The following MTREX variants were observed in gnomAD, a reference collection of about 807,000 sequenced individuals.
MTREX encodes Mtr4 exosome RNA helicase.
A neutral mutation model predicts 135.4 loss-of-function variants in MTREX; 76 were observed. The ratio of observed to expected loss-of-function variants is 0.56; its 90% CI spans 0.47 to 0.68. The LOEUF is 0.68. MTREX is among the 30% of genes least tolerant of loss of function. MTREX has a pLI of 0.00. For missense variants in MTREX, 920 were observed against 1,262.1 expected (o/e 0.73, Z 4.11); for synonymous variants, 404 against 401.6 (o/e 1.01, Z -0.07).
intron 1 of MTREX, among the ~76,000 whole-genome samples, chr5:55,310,269 T>C (rs1321196896): frequency 1.3e-5 from 2 of 151,976 alleles, no homozygotes; most frequent in African/African-American, 4.8e-5. Context: ...GCTTAAAGGG[T>C]TTTGTTTACT....
At chr5:55,382,719 G>A (rs1056137460) in intron 18 of MTREX, among the ~76,000 whole-genome samples, 4 of 151,836 alleles carry the variant, frequency 2.6e-5, no homozygotes, top group African/African-American at 4.8e-5. Flanking sequence ...GGCAACCTCC[G>A]CCTCCCAGGT....
chr5:55,331,920 G>A (rs1002810191), intron 5 of MTREX, among the ~76,000 whole-genome samples: 12 of 152,132 alleles, frequency 7.9e-5, no homozygotes, highest in African/African-American at 2.9e-4. Context: ...TTTCAGGTGG[G>A]TGGGTAAAGC....
intron 16 of MTREX, among the ~76,000 whole-genome samples, chr5:55,373,287 T>A (rs1022925102): frequency 3.9e-4 from 58 of 147,410 alleles, no homozygotes; most frequent in Middle Eastern, 3.5e-3. Flanking sequence ...ATAAATGGGC[T>A]TTCTTGGGTT....
intron 20 of MTREX, 44 bp from the exon 21 acceptor site, chr5:55,400,189 A>G: frequency 6.9e-7 from 1 of 1,451,804 alleles, no homozygotes; most frequent in Non-Finnish European, 9.3e-7. Flanking sequence ...GGTCTTACTA[A>G]TTTTGACTAT....
Position 55,387,989 on chromosome 5 carries a change from C to T in MTREX, c.2068C>T (p.Leu690=). 6.3e-7 allele frequency: 1 copy of T among 1,596,962 alleles called. No homozygotes were observed. Among genetic ancestry groups the T allele is most frequent in the Non-Finnish European group, 8.6e-7 (1 of 1,168,410 alleles). ...KSNVKPNSGE[L]DPLYVVEVLL... ...TGTTTTTTAGCCTAACTCTGGTGAA[C>T]TGGATCCTTTGTATGTAGTAGAAGT... is the stretch of plus-strand genomic sequence containing the variant. The change falls in exon 19 of 27, where the codon CTG becomes TTG. Residue 690 remains leucine, a synonymous_variant. Transcript: ENST00000230640.
chr5:55,392,122 GT>G (rs1383898858), intron 19 of MTREX, among the ~76,000 whole-genome samples: 1 of 152,146 alleles, frequency 6.6e-6, no homozygotes, highest in Non-Finnish European at 1.5e-5. Flanking sequence ...ACTGGTTTGT[GT>G]TGTCATTTCT....
Position 55,414,168 on chromosome 5 carries a change from C to G in MTREX, c.2752-14C>G. The stretch of plus-strand genomic sequence containing the variant: ...ACGTGGGTTTTTATATCTTGTTTTC[C>G]TTTTCTTTTATAGTCTAGTGAGATG... On this transcript the variant is annotated splice_polypyrimidine_tract_variant and intron_variant, in intron 23 of 26. Coordinates refer to ENST00000230640, the MANE Select transcript of MTREX (RefSeq NM_015360.5). 6.5e-7 allele frequency: 1 copy of G among 1,531,484 alleles called. No homozygotes were observed. The highest frequency in any genetic ancestry group is 8.7e-7 in the Non-Finnish European group (1 of 1,148,324). The allele number at this position is 1,531,484 out of a possible 1,614,324, so 94.9% of individuals were successfully genotyped here.
chr5:55,400,374 G>A lies in MTREX; in HGVS notation c.2434G>A (p.Asp812Asn), dbSNP rs1394540562. 1 of 1,610,666 alleles carries A rather than the reference G, an allele frequency of 6.2e-7. No individual in the cohort carries two copies. The highest frequency in any genetic ancestry group is 8.5e-7 in the Non-Finnish European group (1 of 1,178,692). Residue 812 changes from aspartate to asparagine, a missense_variant, in exon 21 of 27, where the codon GAT (aspartate) becomes AAT (asparagine). This residue lies in a region of MTREX where 467 missense variants were observed against 589.7 expected (regional missense o/e 0.79). Transcript: ENST00000230640. ...AATGTATTCTCATCCACTTCACAAT[G>A]ATCCAAATTTGGAAACTGTGTATAC... The part of the protein sequence containing the change: ...HRMYSHPLHN[D>N]PNLETVYTLC...
chr5:55,417,134 T>C (rs988342967), intron 25 of MTREX, among the ~76,000 whole-genome samples: 16 of 152,214 alleles, frequency 1.1e-4, no homozygotes, highest in African/African-American at 1.4e-4. Flanking sequence ...GTATCTTACA[T>C]ATTTTTTCTA....
Position 55,347,132 on chromosome 5 carries a change from G to A in MTREX, c.1228G>A (p.Asp410Asn). 1 of 1,601,934 alleles carries A rather than the reference G, an allele frequency of 6.2e-7. No individual in the cohort carries two copies. Among genetic ancestry groups the A allele is most frequent in the South Asian group, 1.1e-5 (1 of 88,224 alleles). The stretch of plus-strand genomic sequence containing the variant: ...CTATGCACTTCAAATGACCAAATTA[G>A]ATTTCAACACAGGTACTACATCATT... ...EAYALQMTKL[D>N]FNTDEEKKMV... The change falls in exon 11 of 27, where the codon GAT becomes AAT. Residue 410 changes from aspartate (D) to asparagine (N), a missense_variant. By Grantham distance (23) the Asp-to-Asn change is conservative (BLOSUM62 1). Coordinates refer to ENST00000230640, the MANE Select transcript of MTREX (RefSeq NM_015360.5).
At chr5:55,350,221 G>A (rs1189455896) in intron 12 of MTREX, among the ~76,000 whole-genome samples, 1 of 152,116 alleles carries the variant, frequency 6.6e-6, no homozygotes, top group Non-Finnish European at 1.5e-5. Context: ...GCTTTAGACT[G>A]GTATGAAAGT....
intron 1 of MTREX, among the ~76,000 whole-genome samples, chr5:55,313,992 T>C (rs1183391955): frequency 6.6e-6 from 1 of 152,200 alleles, no homozygotes; most frequent in African/African-American, 2.4e-5. Flanking sequence ...AGCTGTTTTT[T>C]TTTTTTAACA....
At chr5:55,404,665 A>G (rs1750773495) in intron 21 of MTREX, among the ~76,000 whole-genome samples, 1 of 152,120 alleles carries the variant, frequency 6.6e-6, no homozygotes, top group Admixed American at 6.5e-5. Flanking sequence ...GGGAGAGCCT[A>G]TCCTAAATTC....
intron 5 of MTREX, among the ~76,000 whole-genome samples, chr5:55,336,640 A>AT (rs1561190031): frequency 1.3e-5 from 2 of 152,048 alleles, no homozygotes; most frequent in African/African-American, 4.8e-5. Flanking sequence ...GTTGTCACTC[A>AT]TTTTCCAGGG....
chr5:55,367,693 G>A (rs1194143158), intron 16 of MTREX, among the ~76,000 whole-genome samples: 4 of 152,160 alleles, frequency 2.6e-5, no homozygotes, highest in African/African-American at 9.7e-5. Context: ...TGGTAATTAT[G>A]TTCAAGTGGA....
At chr5:55,328,950 C>T (rs1749424725) in intron 5 of MTREX, 139 bp downstream of exon 5, 1 of 518,780 alleles carries the variant, frequency 1.9e-6, no homozygotes, top group African/African-American at 2.0e-5. Flanking sequence ...CTTATTGAAC[C>T]TCTAATACAA....
intron 16 of MTREX, among the ~76,000 whole-genome samples, chr5:55,368,230 C>T (rs568023439): frequency 2.6e-5 from 4 of 152,224 alleles, no homozygotes; most frequent in Non-Finnish European, 4.4e-5. Flanking sequence ...GGGGCAGATA[C>T]TTGAGGTCAG....
chr5:55,395,440 G>C (rs1159714515), intron 19 of MTREX, among the ~76,000 whole-genome samples: 4 of 151,922 alleles, frequency 2.6e-5, no homozygotes, highest in African/African-American at 9.7e-5. Context: ...ATAAAAGTTA[G>C]AAAAGTCACC....
chr5:55,369,980 A>G (rs2112089816), intron 16 of MTREX, among the ~76,000 whole-genome samples: 1 of 151,150 alleles, frequency 6.6e-6, no homozygotes, highest in East Asian at 1.9e-4. Flanking sequence ...AATGGCAACA[A>G]TGGCACGATC....
Sources: gnomAD v4.1 joint callset for allele counts (sites outside exome capture counted in the v4.1 genomes callset) on GRCh38, gnomAD v4.1.1 for gene constraint, gnomAD v4.1.1 regional missense constraint, MANE v1.5 for transcripts, NCBI Gene and HGNC (gene_info 2026-07-23, HGNC 2026-07-21) for gene names.